PRKAG2: variants seen among roughly 807,000 people sequenced by gnomAD.
PRKAG2 encodes protein kinase AMP-activated non-catalytic subunit gamma 2.
In PRKAG2, 26 loss-of-function variants were observed where a neutral mutation model predicts 69.6. The ratio of observed to expected loss-of-function variants is 0.37; its 90% confidence interval spans 0.27 to 0.52. The LOEUF is 0.52. PRKAG2 is among the 20% of genes least tolerant of loss of function. The pLI is 0.90. For missense variants in PRKAG2, 557 were observed against 740.0 expected, an observed-to-expected ratio of 0.75 and a Z score of 2.87; for synonymous variants, 293 against 285.0, an observed-to-expected ratio of 1.03 and a Z score of -0.28.
chr7:151,688,341 G>A (rs765799142), intron 3 of PRKAG2, among the ~76,000 whole-genome samples: 16 of 152,182 alleles, frequency 1.1e-4, no homozygotes, highest in Non-Finnish European at 2.1e-4. Flanking sequence ...TGATCTCTTC[G>A]AGATGCCTGT....
At chr7:151,849,938 A>G (rs767898454) in intron 1 of PRKAG2, among the ~76,000 whole-genome samples, 4 of 152,174 alleles carry the variant, frequency 2.6e-5, no homozygotes, top group Non-Finnish European at 5.9e-5. Context: ...AATCCGTGCC[A>G]CTTGTGCATG....
At chr7:151,795,876 T>TATATATATATACATATATATATAC (rs1563689650) in intron 1 of PRKAG2, among the ~76,000 whole-genome samples, 1 of 112,840 alleles carries the variant, frequency 8.9e-6, no homozygotes, top group African/African-American at 3.7e-5. Flanking sequence ...TATATATATA[T>TATATATATATACATATATATATAC]ATATATATAT....
At chr7:151,862,775 CAAGTGCAGGGGGCACTGGTAGGTCCCT>C (rs1172182514) in intron 1 of PRKAG2, among the ~76,000 whole-genome samples, 4 of 151,852 alleles carry the variant, frequency 2.6e-5, no homozygotes, top group Non-Finnish European at 5.9e-5. Context: ...GGTAGGTCCC[CAAGTGCAGGGGGCACTGGTAGGTCCCT>C]GGGTACAGGG....
At chr7:151,732,881 C>T (rs1799191429) in intron 3 of PRKAG2, among the ~76,000 whole-genome samples, 1 of 152,090 alleles carries the variant, frequency 6.6e-6, no homozygotes, top group Non-Finnish European at 1.5e-5. Flanking sequence ...TTAGTAGAGA[C>T]AAGGTTTCAT....
At chr7:151,590,642 C>T (rs1812849434) in intron 6 of PRKAG2, among the ~76,000 whole-genome samples, 1 of 152,244 alleles carries the variant, frequency 6.6e-6, no homozygotes, top group Non-Finnish European at 1.5e-5. Context: ...TCTCACCCTC[C>T]CACCCTTGCC....
chr7:151,666,884 G>A (rs1311070172), intron 4 of PRKAG2, among the ~76,000 whole-genome samples: 1 of 152,178 alleles, frequency 6.6e-6, no homozygotes, highest in African/African-American at 2.4e-5. Context: ...ATTTAAAAAT[G>A]AAGGGGAGAA....
chr7:151,755,377 G>T (rs1327981093), intron 3 of PRKAG2, among the ~76,000 whole-genome samples: 1 of 152,082 alleles, frequency 6.6e-6, no homozygotes, highest in African/African-American at 2.4e-5. Flanking sequence ...AGGGCCTAGG[G>T]GACATGAGCC....
chr7:151,849,738 C>T (rs534797688), intron 1 of PRKAG2, among the ~76,000 whole-genome samples: 1 of 152,276 alleles, frequency 6.6e-6, no homozygotes, highest in Non-Finnish European at 1.5e-5. Context: ...GTCCCATGGC[C>T]TGCTCCCCAC....
rs141316327 is a variant in PRKAG2 at position 151,876,579 on chromosome 7, A to T, written c.42T>A (p.Val14=). 1.6e-5 allele frequency: 25 copies of T among 1,610,428 alleles called. No homozygotes were observed. The highest frequency in any genetic ancestry group is 2.2e-5 in the South Asian group (2 of 91,076). The part of the protein sequence containing the change: ...AVMDTKKKKD[V]SSPGGSGGKK... Reference sequence around the variant, plus strand: ...TGCCGCCGCTCCCGCCGGGGCTGGAAACATCTTTTTTCTTCTTGGTGTCCA... The same window carrying T: ...TGCCGCCGCTCCCGCCGGGGCTGGATACATCTTTTTTCTTCTTGGTGTCCA... The change falls in exon 1 of 16, where the codon GTT becomes GTA. Residue 14 remains valine, a synonymous_variant. Transcript: ENST00000287878.
chr7:151,710,114 A>G (rs1795041102), intron 3 of PRKAG2, among the ~76,000 whole-genome samples: 1 of 152,176 alleles, frequency 6.6e-6, no homozygotes, highest in Admixed American at 6.5e-5. Context: ...CAGCCACCTC[A>G]GCAGAAGGGC....
At position 151,657,429 on chromosome 7, in the gene PRKAG2, G is replaced by A. The variant is rs191728320; in HGVS notation, c.684+17991C>T. Among the ~76,000 whole-genome samples, 192 of 152,254 alleles carry A rather than the reference G, an allele frequency of 1.3e-3. 2 individuals carry two copies. Among genetic ancestry groups the A allele is most frequent in the Non-Finnish European group, 3.1e-4 (21 of 68,026 alleles). On this transcript the variant is annotated intron_variant, in intron 4 of 15. Coordinates refer to ENST00000287878, the MANE Select transcript of PRKAG2 (RefSeq NM_016203.4). Reference sequence around the variant, plus strand: ...TGTGCCTGGTATAGGTCTTGGCTCAGGCTAGGTGGCAATAAATGCTGTTGT... The same window carrying A: ...TGTGCCTGGTATAGGTCTTGGCTCAAGCTAGGTGGCAATAAATGCTGTTGT...
In PRKAG2 at chr7:151,660,286, A is replaced by G. The variant is rs56934082; in HGVS notation, c.684+15134T>C. ...AAGAAGGAAAATCTCCTTTCTTTCA[A>G]TCTCCCAGCTTCTCAAACCCGTAGC... is the stretch of plus-strand genomic sequence containing the variant. On this transcript the variant is annotated intron_variant, in intron 4 of 15. Transcript: ENST00000287878. 2.1e-3 allele frequency among the ~76,000 whole-genome samples: 315 copies of G among 152,332 alleles called. 2 individuals carry two copies. The highest frequency in any genetic ancestry group is 7.2e-3 in the African/African-American group (299 of 41,580).
intron 5 of PRKAG2, among the ~76,000 whole-genome samples, chr7:151,623,363 CAAAAAA>C (rs71198724): frequency 3.1e-3 from 115 of 36,668 alleles, no homozygotes; most frequent in Middle Eastern, 0.031. Flanking sequence ...GACTCTGTCT[CAAAAAA>C]AAAAAAAAAA....
intron 1 of PRKAG2, among the ~76,000 whole-genome samples, chr7:151,811,376 G>A (rs1040620723): frequency 2.6e-5 from 4 of 152,226 alleles, no homozygotes; most frequent in African/African-American, 9.6e-5. Context: ...GTGGTAGCCA[G>A]GGGGTGAACA....
At chr7:151,572,043 C>T (rs1807703040) in intron 9 of PRKAG2, among the ~76,000 whole-genome samples, 2 of 152,196 alleles carry the variant, frequency 1.3e-5, no homozygotes, top group African/African-American at 4.8e-5. Context: ...TGACAAGTGT[C>T]AGTGAGACCA....
At chr7:151,610,810 GC>G (rs1249267995) in intron 5 of PRKAG2, among the ~76,000 whole-genome samples, 1 of 116,716 alleles carries the variant, frequency 8.6e-6, no homozygotes, top group Non-Finnish European at 1.7e-5. Context: ...GTGCAATTTT[GC>G]CTTCTCCTGG....
At chr7:151,874,414 G>A (rs201401163) in intron 1 of PRKAG2, among the ~76,000 whole-genome samples, 3 of 58,722 alleles carry the variant, frequency 5.1e-5, no homozygotes, top group South Asian at 5.1e-4. Flanking sequence ...TGTATATGAT[G>A]TATATGTATA....
At chr7:151,695,020 G>A (rs1375986211) in intron 3 of PRKAG2, among the ~76,000 whole-genome samples, 3 of 152,228 alleles carry the variant, frequency 2.0e-5, no homozygotes, top group Non-Finnish European at 2.9e-5. Flanking sequence ...GAGGGAGCCC[G>A]GGACAACGCC....
intron 6 of PRKAG2, among the ~76,000 whole-genome samples, chr7:151,586,898 C>G (rs1023425463): frequency 6.6e-6 from 1 of 152,224 alleles, no homozygotes; most frequent in South Asian, 2.1e-4. Flanking sequence ...ATCATGTGCT[C>G]TGCATTCTGT....
Sources: allele counts gnomAD v4.1 joint callset (sites outside exome capture counted in the v4.1 genomes callset), GRCh38; gene constraint gnomAD v4.1.1; transcripts MANE v1.5; gene names NCBI Gene and HGNC (gene_info 2026-07-23, HGNC 2026-07-21).